Variants in ARHGAP6 observed in about 807,000 individuals in gnomAD.
The protein encoded by ARHGAP6 is rho GTPase-activating protein 6.
ARHGAP6 carries 16 observed loss-of-function variants against 55.7 expected under a neutral mutation model. The ratio of observed to expected loss-of-function variants is 0.29; its 90% confidence interval spans 0.19 to 0.44. ARHGAP6 has a LOEUF of 0.44. Ranked by LOEUF, ARHGAP6 falls within the 20% of genes least tolerant of loss-of-function variation. The probability of loss-of-function intolerance (pLI) is 1.00; values close to 1 mark genes in which losing one functional copy is unlikely to be tolerated. For synonymous variants in ARHGAP6, 382 were observed against 360.9 expected (o/e 1.06, Z -0.66); for missense variants, 698 against 808.9 (o/e 0.86, Z 1.66).
At chrX:11,516,703 A>T (rs1403691447) in intron 1 of ARHGAP6, among the ~76,000 whole-genome samples, 1 of 112,169 alleles carries the variant, frequency 8.9e-6, no homozygotes, top group East Asian at 2.8e-4. Flanking sequence ...AGTTTTATTG[A>T]TATTTCTTTT....
intron 1 of ARHGAP6, among the ~76,000 whole-genome samples, chrX:11,538,679 A>G (rs909581645): frequency 6.3e-5 from 7 of 111,633 alleles, no homozygotes; most frequent in African/African-American, 1.3e-4. Flanking sequence ...TTAATTAATC[A>G]TTTTCTCCAT....
intron 2 of ARHGAP6, among the ~76,000 whole-genome samples, chrX:11,246,470 G>A (rs898977261): frequency 1.8e-5 from 2 of 111,448 alleles, no homozygotes; most frequent in Admixed American, 9.5e-5. Flanking sequence ...GAGAGAAAGA[G>A]CTTAATTTAA....
Position 11,138,873 on chromosome X carries a change from G to A in ARHGAP6, c.2915C>T (p.Thr972Met), listed in dbSNP as rs2045580321. The A allele has an allele frequency of 3.4e-6, 4 of 1,182,003 alleles. No homozygotes were observed. Among genetic ancestry groups the A allele is most frequent in the Non-Finnish European group, 4.5e-6 (4 of 886,854 alleles). ...STDNPDALPE[T>M]LV ...CGGCTGGGTGCGGGCTCAGACCAGC[G>A]TCTCGGGCAGGGCATCGGGGTTGTC... is the stretch of plus-strand genomic sequence containing the variant. The change falls in exon 13 of 13, where the codon ACG becomes ATG. Residue 972 changes from threonine (T) to methionine (M), a missense_variant. Physicochemically the swap from Thr to Met is moderately conservative, Grantham distance 81. Coordinates refer to ENST00000337414, the MANE Select transcript of ARHGAP6 (RefSeq NM_013427.3).
intron 1 of ARHGAP6, among the ~76,000 whole-genome samples, chrX:11,541,800 TG>T (rs2051160609): frequency 8.9e-6 from 1 of 112,272 alleles, no homozygotes; most frequent in South Asian, 3.7e-4. Flanking sequence ...ATCTGTGAAA[TG>T]GGGATAATAG....
intron 8 of ARHGAP6, among the ~76,000 whole-genome samples, chrX:11,175,616 C>T (rs754644257): frequency 4.5e-5 from 5 of 111,637 alleles, no homozygotes; most frequent in Non-Finnish European, 7.5e-5. Flanking sequence ...AGCTATCAAG[C>T]GCTCTCAACC....
chrX:11,435,571 A>G (rs1369675341), intron 1 of ARHGAP6, among the ~76,000 whole-genome samples: 1 of 111,758 alleles, frequency 8.9e-6, no homozygotes, highest in African/African-American at 3.3e-5. Flanking sequence ...GCAGCACCAC[A>G]CCATTGACAT....
At chrX:11,473,872 G>T (rs894870942) in intron 1 of ARHGAP6, among the ~76,000 whole-genome samples, 2 of 110,689 alleles carry the variant, frequency 1.8e-5, no homozygotes, top group African/African-American at 6.6e-5. Flanking sequence ...GAATGATGAA[G>T]GTTAATCAGA....
intron 1 of ARHGAP6, among the ~76,000 whole-genome samples, chrX:11,304,988 C>G (rs1290043148): frequency 3.7e-5 from 4 of 108,284 alleles, no homozygotes; most frequent in East Asian, 5.8e-4. Context: ...AGGGTTTTAC[C>G]ATGTTGGCCA....
At chrX:11,178,020 A>T in intron 8 of ARHGAP6, 80 bp downstream of exon 8, 1 of 1,163,420 alleles carries the variant, frequency 8.6e-7, no homozygotes, top group Admixed American at 2.2e-5. Flanking sequence ...CTCCAGGCAA[A>T]ATGGCCATTT....
At chrX:11,387,594 G>A (rs930721278) in intron 1 of ARHGAP6, among the ~76,000 whole-genome samples, 1 of 111,767 alleles carries the variant, frequency 8.9e-6, no homozygotes, top group African/African-American at 3.3e-5. Context: ...GAGTACATGT[G>A]CGCAACGTGC....
intron 1 of ARHGAP6, among the ~76,000 whole-genome samples, chrX:11,514,454 A>T (rs2050816323): frequency 9.1e-6 from 1 of 110,019 alleles, no homozygotes; most frequent in Non-Finnish European, 1.9e-5. Context: ...TCCTGAACAT[A>T]GGATGTTCAG....
At chrX:11,203,056 T>A (rs947617604) in intron 2 of ARHGAP6, among the ~76,000 whole-genome samples, 3 of 110,382 alleles carry the variant, frequency 2.7e-5, no homozygotes, top group African/African-American at 9.9e-5. Flanking sequence ...ATTTAATGAA[T>A]TCATTCATAA....
chrX:11,206,955 A>G (rs1220727789), intron 2 of ARHGAP6, among the ~76,000 whole-genome samples: 5 of 111,899 alleles, frequency 4.5e-5, no homozygotes, highest in Non-Finnish European at 9.4e-5. Context: ...ACAGAATGAC[A>G]TTTAATTAAA....
At chrX:11,411,288 G>A (rs1391141486) in intron 1 of ARHGAP6, among the ~76,000 whole-genome samples, 1 of 90,543 alleles carries the variant, frequency 1.1e-5, no homozygotes. Context: ...ATTTATATAT[G>A]CATATATAAT....
At chrX:11,485,069 G>A (rs2050498234) in intron 1 of ARHGAP6, among the ~76,000 whole-genome samples, 1 of 111,519 alleles carries the variant, frequency 9.0e-6, no homozygotes. Context: ...GGTGTCATGA[G>A]CTAGCCAGTG....
At chrX:11,226,668 T>C (rs1206622043) in intron 2 of ARHGAP6, among the ~76,000 whole-genome samples, 2 of 112,168 alleles carry the variant, frequency 1.8e-5, no homozygotes, top group Non-Finnish European at 1.9e-5. Flanking sequence ...AGATCTTTAG[T>C]GGAATGCAGG....
chrX:11,630,892 T>A (rs1402042024), intron 1 of ARHGAP6, among the ~76,000 whole-genome samples: 1 of 111,938 alleles, frequency 8.9e-6, no homozygotes, highest in Non-Finnish European at 1.9e-5. Flanking sequence ...TTTTGTCCGA[T>A]TTCCTCATCG....
At chrX:11,417,249 G>A (rs144700723) in intron 1 of ARHGAP6, among the ~76,000 whole-genome samples, 4,171 of 105,704 alleles carry the variant, frequency 0.039, 177 homozygotes, top group East Asian at 0.17. Flanking sequence ...TGTTTCCACC[G>A]TGCAGCAAGA....
At chrX:11,381,787 A>C (rs930028861) in intron 1 of ARHGAP6, among the ~76,000 whole-genome samples, 1 of 112,202 alleles carries the variant, frequency 8.9e-6, no homozygotes, top group Non-Finnish European at 1.9e-5. Flanking sequence ...TGAATTCACG[A>C]GAGAAGGCAG....
Sources: gnomAD v4.1 joint callset for allele counts (sites outside exome capture counted in the v4.1 genomes callset) on GRCh38, gnomAD v4.1.1 for gene constraint, MANE v1.5 for transcripts, NCBI Gene and HGNC (gene_info 2026-07-23, HGNC 2026-07-21) for gene names.